Variants in C18orf54 observed in about 807,000 individuals in gnomAD.
C18orf54 encodes the protein lung adenoma susceptibility protein 2.
Under a neutral mutation model 49.3 loss-of-function variants are expected in C18orf54, and 49 were observed. The ratio of observed to expected loss-of-function variants is 0.99; its 90% CI spans 0.79 to 1.26. The LOEUF is 1.26. C18orf54 is among the 50% of genes most tolerant of loss of function. The probability of loss-of-function intolerance (pLI) is 0.00; values close to 1 mark genes in which losing one functional copy is unlikely to be tolerated. For missense variants in C18orf54, 687 were observed against 620.6 expected, an observed-to-expected ratio of 1.11 and a Z score of -1.14; for synonymous variants, 211 against 216.6, an observed-to-expected ratio of 0.97 and a Z score of 0.23.
chr18:54,363,515 A>G (rs1032214339), intron 5 of C18orf54, among the ~76,000 whole-genome samples: 36 of 151,968 alleles, frequency 2.4e-4, no homozygotes, highest in African/African-American at 8.0e-4. Context: ...ACGGGGTTTC[A>G]CCATGTTGGC....
chr18:54,361,141 C>T (rs1211787204), intron 3 of C18orf54, among the ~76,000 whole-genome samples: 1 of 152,016 alleles, frequency 6.6e-6, no homozygotes, highest in African/African-American at 2.4e-5. Context: ...GCAGAATGAC[C>T]CTAGAATAGA....
chr18:54,377,946 A>T (rs1346277042), intron 8 of C18orf54, among the ~76,000 whole-genome samples: 1 of 152,190 alleles, frequency 6.6e-6, no homozygotes, highest in Non-Finnish European at 1.5e-5. Flanking sequence ...AATGTCAAAA[A>T]ATATAATTTT....
At chr18:54,372,362 G>C (rs2089500752) in intron 6 of C18orf54, 104 bp from the exon 7 acceptor site, 4 of 1,094,900 alleles carry the variant, frequency 3.7e-6, no homozygotes, top group Non-Finnish European at 4.9e-6. Flanking sequence ...ACATTGTTTG[G>C]AGTTTTACAT....
At chr18:54,371,375 T>TA (rs1286198424) in intron 6 of C18orf54, among the ~76,000 whole-genome samples, 3 of 152,204 alleles carry the variant, frequency 2.0e-5, no homozygotes, top group African/African-American at 7.2e-5. Context: ...CCACATTTTG[T>TA]TTATTCATTC....
rs2089285157 is a variant in C18orf54 at position 54,362,193 on chromosome 18, G to C, written c.834G>C (p.Arg278Ser). Reference protein sequence around the residue: ...QDLLPDANSQRVYQIFKDDQC... With the variant: ...QDLLPDANSQSVYQIFKDDQC... Reference sequence around the variant, plus strand: ...TGCTACCTGATGCAAATAGTCAAAGGGTTTATCAGATATTTAAAGATGATC... The same window carrying C: ...TGCTACCTGATGCAAATAGTCAAAGCGTTTATCAGATATTTAAAGATGATC... The change falls in exon 4 of 9, where the codon AGG becomes AGC. Residue 278 changes from arginine (R) to serine (S), a missense_variant. Coordinates refer to ENST00000620105, the MANE Select transcript of C18orf54 (RefSeq NM_001288980.2). 3.9e-6 allele frequency: 6 copies of C among 1,536,086 alleles called. No homozygotes were observed. The East Asian group carries it at 1.2e-4, about 31-fold the overall frequency.
intron 6 of C18orf54, among the ~76,000 whole-genome samples, chr18:54,367,186 T>C (rs2089402359): frequency 6.6e-6 from 1 of 152,150 alleles, no homozygotes; most frequent in African/African-American, 2.4e-5. Flanking sequence ...GAGGACGTAT[T>C]CCTGTCATTT....
chr18:54,361,799 G>C lies in C18orf54; in HGVS notation c.440G>C (p.Arg147Pro), dbSNP rs1657907. Residue 147 changes from arginine to proline, a missense_variant, in exon 4 of 9, where the codon CGA becomes CCA. Physicochemically the swap from Arg to Pro is moderately radical, Grantham distance 103. Transcript: ENST00000620105. ...TATACTTATGTTGGACCGAGTCACC[G>C]AACGAGCAAGAAAAACAAGAAATGC... ...FSYTYVGPSH[R>P]TSKKNKKCRG... 94,635 of 1,613,596 alleles carry C rather than the reference G, an allele frequency of 0.059. 3,068 individuals carry two copies. Among genetic ancestry groups the C allele is most frequent in the African/African-American group, 0.089 (6,669 of 74,936 alleles).
chr18:54,363,057 A>C, intron 5 of C18orf54, 136 bp downstream of exon 5: 1 of 852,870 alleles, frequency 1.2e-6, no homozygotes. Flanking sequence ...TACTTGCTTT[A>C]AATTGCATTT....
intron 6 of C18orf54, among the ~76,000 whole-genome samples, chr18:54,369,988 G>T (rs997346517): frequency 1.3e-5 from 2 of 151,966 alleles, no homozygotes; most frequent in Non-Finnish European, 1.5e-5. Flanking sequence ...ATCTGGAGAA[G>T]AATAATAAAC....
intron 3 of C18orf54, 122 bp from the exon 4 acceptor site, chr18:54,361,521 C>A: frequency 1.2e-6 from 1 of 808,080 alleles, no homozygotes; most frequent in Non-Finnish European, 1.9e-6. Context: ...TGCTTTTAAT[C>A]AAAGCTTTAG....
chr18:54,364,331 T>C (rs2089336542), intron 5 of C18orf54, among the ~76,000 whole-genome samples: 1 of 152,134 alleles, frequency 6.6e-6, no homozygotes, highest in Non-Finnish European at 1.5e-5. Flanking sequence ...CTTAAAATTA[T>C]TGAATGCACT....
rs745423665 is a variant in C18orf54, at chr18:54,372,617, A to C, written c.1458+20A>C. On this transcript the variant is annotated intron_variant, in intron 7 of 8. Coordinates refer to ENST00000620105, the MANE Select transcript of C18orf54 (RefSeq NM_001288980.2). ...AAACAAGTAAGCACAAACATGATTTATGAATTGAGATTTGTGAATTTGTAT... is the reference window on the plus strand; with the variant it reads ...AAACAAGTAAGCACAAACATGATTTCTGAATTGAGATTTGTGAATTTGTAT... 9 of 1,542,794 alleles carry C rather than the reference A, an allele frequency of 5.8e-6. No individual in the cohort carries two copies. In the Admixed American group the frequency reaches 1.4e-4, roughly 23 times the overall value.
chr18:54,380,366 T>C lies in C18orf54; in HGVS notation c.*2120T>C, dbSNP rs951229588. ...AATCCTTTGCTCTCTTTTAGACATA[T>C]TGAGAAAATGTTAAATAGAAAAAAT... On this transcript the variant is annotated 3_prime_UTR_variant, in exon 9 of 9. Coordinates refer to ENST00000620105, the MANE Select transcript of C18orf54 (RefSeq NM_001288980.2). 1.3e-4 allele frequency: 19 copies of C among 151,988 alleles called. No homozygotes were observed. Among genetic ancestry groups the C allele is most frequent in the African/African-American group, 4.3e-4 (18 of 41,422 alleles). 9.4% of individuals were successfully genotyped at this position (151,988 alleles called of 1,614,324 possible). A position where few individuals can be genotyped will look rare whatever the true frequency, so the allele number is the denominator to read the frequency against.
At chr18:54,376,659 C>CAA (rs2089576556) in intron 8 of C18orf54, among the ~76,000 whole-genome samples, 1 of 152,150 alleles carries the variant, frequency 6.6e-6, no homozygotes, top group African/African-American at 2.4e-5. Flanking sequence ...AGTTATTTTA[C>CAA]CTCTGATTGG....
intron 3 of C18orf54, 38 bp from the exon 4 acceptor site, chr18:54,361,605 T>C: frequency 6.7e-7 from 1 of 1,483,924 alleles, no homozygotes; most frequent in Admixed American, 2.2e-5. Flanking sequence ...TTATAAAATA[T>C]TTGTATGTAA....
At chr18:54,377,791 A>G (rs1267621787) in intron 8 of C18orf54, among the ~76,000 whole-genome samples, 1 of 152,212 alleles carries the variant, frequency 6.6e-6, no homozygotes, top group Non-Finnish European at 1.5e-5. Flanking sequence ...TTCTTAACTA[A>G]TATACACAGG....
rs753905044 is a variant in C18orf54 at position 54,374,282 on chromosome 18, GAAGT to G, written c.1529+4_1529+7del. Reference sequence around the variant, plus strand: ...TGATTCCTATTACTAGGTCACTTCAGAAGTAAGTATTCTTTACTAATATGGATAC... The same window carrying G: ...TGATTCCTATTACTAGGTCACTTCAGAAGTATTCTTTACTAATATGGATAC... On this transcript the variant is annotated splice_donor_variant and coding_sequence_variant, in exon 8 of 9. Coordinates refer to ENST00000620105, the MANE Select transcript of C18orf54 (RefSeq NM_001288980.2). LOFTEE classifies it high-confidence loss of function. 1.9e-6 allele frequency: 3 copies of G among 1,573,618 alleles called. No individual in the cohort carries two copies. The South Asian group carries it at 3.6e-5, about 19-fold the overall frequency.
In C18orf54 at chr18:54,380,126, G is replaced by C. The variant is rs892368364; in HGVS notation, c.*1880G>C. 1 of 151,880 alleles carries C rather than the reference G, an allele frequency of 6.6e-6. No individual in the cohort carries two copies. Among genetic ancestry groups the C allele is most frequent in the Non-Finnish European group, 1.5e-5 (1 of 67,874 alleles). 9.4% of individuals were successfully genotyped at this position (151,880 alleles called of 1,614,324 possible). A position where few individuals can be genotyped will look rare whatever the true frequency, so the allele number is the denominator to read the frequency against. The stretch of plus-strand genomic sequence containing the variant: ...CAACCTTCTTATAAGAAATATCTAG[G>C]AGAGTCAAGTAAGAAAAATAACGAA... On this transcript the variant is annotated 3_prime_UTR_variant, in exon 9 of 9. Coordinates refer to ENST00000620105, the MANE Select transcript of C18orf54 (RefSeq NM_001288980.2).
rs1316041136 is a variant in C18orf54 at position 54,380,121 on chromosome 18, T to C, written c.*1875T>C. On this transcript the variant is annotated 3_prime_UTR_variant, in exon 9 of 9. Coordinates refer to ENST00000620105, the MANE Select transcript of C18orf54 (RefSeq NM_001288980.2). ...CATTCCAACCTTCTTATAAGAAATATCTAGGAGAGTCAAGTAAGAAAAATA... is the reference window on the plus strand; with the variant it reads ...CATTCCAACCTTCTTATAAGAAATACCTAGGAGAGTCAAGTAAGAAAAATA... 1 of 152,046 alleles carries C rather than the reference T, an allele frequency of 6.6e-6. No homozygotes were observed. Among genetic ancestry groups the C allele is most frequent in the East Asian group, 1.9e-4 (1 of 5,204 alleles). The allele number at this position is 152,046 out of a possible 1,614,324, so 9.4% of individuals were successfully genotyped here. A position where few individuals can be genotyped will look rare whatever the true frequency, so the allele number is the denominator to read the frequency against.
Sources: gnomAD v4.1 joint callset for allele counts (sites outside exome capture counted in the v4.1 genomes callset) on GRCh38, gnomAD v4.1.1 for gene constraint, MANE v1.5 for transcripts, NCBI Gene and HGNC (gene_info 2026-07-23, HGNC 2026-07-21) for gene names.